The following PDZRN3 variants were observed in gnomAD, a reference collection of about 807,000 sequenced individuals.
The protein encoded by PDZRN3 is E3 ubiquitin-protein ligase PDZRN3.
PDZRN3 carries 38 observed loss-of-function variants against 85.7 expected under a neutral mutation model. The ratio of observed to expected loss-of-function variants is 0.44; its 90% CI spans 0.34 to 0.58. The LOEUF (loss-of-function observed/expected upper bound fraction) is 0.58, where lower values mean the gene tolerates loss of function less well. Among genes scored for constraint, PDZRN3 ranks in the 20% least tolerant of loss-of-function variants. The pLI is 0.01. For synonymous variants in PDZRN3, 759 were observed against 638.0 expected, an observed-to-expected ratio of 1.19 and a Z score of -2.86; for missense variants, 1,629 against 1,506.4, an observed-to-expected ratio of 1.08 and a Z score of -1.35.
intron 3 of PDZRN3, among the ~76,000 whole-genome samples, chr3:73,410,206 T>C (rs1032875722): frequency 6.6e-6 from 1 of 152,230 alleles, no homozygotes; most frequent in Admixed American, 6.5e-5. Flanking sequence ...TTTTTTTCAT[T>C]TAGGCAACTC....
chr3:73,579,021 G>C (rs1340846161), intron 3 of PDZRN3, among the ~76,000 whole-genome samples: 2 of 152,100 alleles, frequency 1.3e-5, no homozygotes, highest in Non-Finnish European at 2.9e-5. Context: ...CCTTGCTTTG[G>C]TCTGAATGTT....
At chr3:73,622,857 A>C (rs1702889085) in intron 1 of PDZRN3, among the ~76,000 whole-genome samples, 1 of 152,112 alleles carries the variant, frequency 6.6e-6, no homozygotes, top group Non-Finnish European at 1.5e-5. Context: ...CTTAATAAAC[A>C]CTCAATAAAT....
At chr3:73,425,362 T>C (rs1454984734) in intron 3 of PDZRN3, among the ~76,000 whole-genome samples, 3 of 151,920 alleles carry the variant, frequency 2.0e-5, no homozygotes, top group East Asian at 3.9e-4. Flanking sequence ...CCTAGAGGAG[T>C]AGATTTCAAA....
At chr3:73,553,742 T>A (rs1029479215) in intron 3 of PDZRN3, among the ~76,000 whole-genome samples, 2 of 152,102 alleles carry the variant, frequency 1.3e-5, no homozygotes, top group African/African-American at 4.8e-5. Context: ...GGAAGAAATG[T>A]CAATACAGGC....
intron 1 of PDZRN3, among the ~76,000 whole-genome samples, chr3:73,618,917 G>A (rs969893561): frequency 1.3e-5 from 2 of 152,290 alleles, no homozygotes; most frequent in Middle Eastern, 3.4e-3. Flanking sequence ...CCCTGTGCAG[G>A]AGCTTTTCAG....
chr3:73,574,929 C>A (rs745408299), intron 3 of PDZRN3, among the ~76,000 whole-genome samples: 25 of 152,282 alleles, frequency 1.6e-4, no homozygotes, highest in Admixed American at 6.5e-5. Flanking sequence ...CAAATATAAC[C>A]GAGTTTTATA....
chr3:73,586,424 T>G lies in PDZRN3; in HGVS notation c.918+15930A>C, dbSNP rs146754705. ...TACCCTCAGAAGTTGATTGTGTGAC[T>G]TGTACATCTATTTCGGAGTCAGGCA... On this transcript the variant is annotated intron_variant, in intron 3 of 9. Coordinates refer to ENST00000263666, the MANE Select transcript of PDZRN3 (RefSeq NM_015009.3). Among the ~76,000 whole-genome samples the G allele has an allele frequency of 3.6e-3, 545 of 152,342 alleles. 4 individuals carry two copies. Among genetic ancestry groups the G allele is most frequent in the African/African-American group, 0.013 (520 of 41,584 alleles).
intron 3 of PDZRN3, among the ~76,000 whole-genome samples, chr3:73,500,423 C>T (rs903523963): frequency 2.6e-5 from 4 of 152,046 alleles, no homozygotes; most frequent in Admixed American, 2.6e-4. Context: ...CTTTCTGATA[C>T]TCCCCTCTCC....
chr3:73,414,764 C>T (rs1189709954), intron 3 of PDZRN3, among the ~76,000 whole-genome samples: 1 of 152,160 alleles, frequency 6.6e-6, no homozygotes, highest in African/African-American at 2.4e-5. Flanking sequence ...TGTCCATAAT[C>T]AACATTCTAA....
chr3:73,489,052 G>A (rs1342841270), intron 3 of PDZRN3, among the ~76,000 whole-genome samples: 1 of 152,232 alleles, frequency 6.6e-6, no homozygotes, highest in East Asian at 1.9e-4. Context: ...GTGGATTAGG[G>A]CTGCAGGCCC....
chr3:73,440,671 C>G (rs1702617894), intron 3 of PDZRN3, among the ~76,000 whole-genome samples: 1 of 152,186 alleles, frequency 6.6e-6, no homozygotes, highest in African/African-American at 2.4e-5. Context: ...CCTGAAATGC[C>G]TATGACAACA....
At chr3:73,556,587 T>C (rs1443442636) in intron 3 of PDZRN3, 1 of 152,040 alleles carries the variant, frequency 6.6e-6, no homozygotes, top group Non-Finnish European at 1.5e-5. Context: ...TTGGATAAAA[T>C]ATGGGGAGGA....
intron 3 of PDZRN3, among the ~76,000 whole-genome samples, chr3:73,515,253 G>A (rs1264199410): frequency 7.1e-6 from 1 of 140,484 alleles, no homozygotes; most frequent in Non-Finnish European, 1.5e-5. Flanking sequence ...TCGGCTCACT[G>A]CAAGCTCCGC....
At position 73,573,152 on chromosome 3, in the gene PDZRN3, C is replaced by T. The variant is rs941342900; in HGVS notation, c.918+29202G>A. Among the ~76,000 whole-genome samples the T allele has an allele frequency of 5.3e-4, 81 of 152,210 alleles. 1 individual carries two copies. Among genetic ancestry groups the T allele is most frequent in the Non-Finnish European group, 2.2e-4 (15 of 68,044 alleles). On this transcript the variant is annotated intron_variant, in intron 3 of 9. Coordinates refer to ENST00000263666, the MANE Select transcript of PDZRN3 (RefSeq NM_015009.3). The stretch of plus-strand genomic sequence containing the variant: ...CTCTGAGGTCCTACAGTGACCCTCT[C>T]TGGCAAGACAAGACCCCAGAACATA...
intron 3 of PDZRN3, among the ~76,000 whole-genome samples, chr3:73,481,215 G>A (rs1214881794): frequency 3.3e-5 from 5 of 152,132 alleles, no homozygotes; most frequent in Non-Finnish European, 7.4e-5. Flanking sequence ...GCACAGCAGA[G>A]GGTAAATGGG....
intron 3 of PDZRN3, among the ~76,000 whole-genome samples, chr3:73,489,570 C>CTTTT (rs1267520267): frequency 1.2e-4 from 2 of 17,184 alleles, no homozygotes; most frequent in Admixed American, 6.5e-4. Flanking sequence ...TGGGCAGTTT[C>CTTTT]TTTTCTTTTT....
chr3:73,421,366 C>A (rs1702199114), intron 3 of PDZRN3, among the ~76,000 whole-genome samples: 1 of 152,168 alleles, frequency 6.6e-6, no homozygotes, highest in South Asian at 2.1e-4. Context: ...CCAAGCCTTC[C>A]CCTTTTACAA....
chr3:73,442,615 T>C (rs72884263), intron 3 of PDZRN3, among the ~76,000 whole-genome samples: 5,617 of 152,164 alleles, frequency 0.037, 356 homozygotes, highest in African/African-American at 0.13. Context: ...ACAAACTCTA[T>C]AGTGGGCTGT....
rs1417460032 is a variant in PDZRN3, at chr3:73,624,442, C to T, written c.384G>A (p.Ala128=). The change falls in exon 1 of 10, where the codon GCG becomes GCA. Residue 128 remains alanine, a synonymous_variant. Transcript: ENST00000263666. The part of the protein sequence containing the change: ...GQVLLRRDVE[A]HMRDACDARP... Reference sequence around the variant, plus strand: ...GCGCGTCGCAGGCGTCGCGCATGTGCGCCTCCACGTCGCGCCGCAGCAGCA... The same window carrying T: ...GCGCGTCGCAGGCGTCGCGCATGTGTGCCTCCACGTCGCGCCGCAGCAGCA... 2.2e-6 allele frequency: 3 copies of T among 1,334,974 alleles called. No individual in the cohort carries two copies. The African/African-American group carries it at 4.7e-5, about 21-fold the overall frequency. 82.7% of individuals were successfully genotyped at this position (1,334,974 alleles called of 1,614,324 possible). A position where few individuals can be genotyped will look rare whatever the true frequency, so the allele number is the denominator to read the frequency against.
Sources: allele counts gnomAD v4.1 joint callset (sites outside exome capture counted in the v4.1 genomes callset), GRCh38; gene constraint gnomAD v4.1.1; transcripts MANE v1.5; gene names NCBI Gene and HGNC (gene_info 2026-07-23, HGNC 2026-07-21).